Variants in CADM2 observed in about 807,000 individuals in gnomAD.
The protein encoded by CADM2 is cell adhesion molecule 2.
CADM2 carries 12 observed loss-of-function variants against 49.8 expected under a neutral mutation model. The observed-to-expected ratio is 0.24, with a 90% CI of 0.15 to 0.39. The LOEUF (loss-of-function observed/expected upper bound fraction) is 0.39, where lower values mean the gene tolerates loss of function less well. CADM2 is among the 10% of genes least tolerant of loss of function. The probability of loss-of-function intolerance (pLI) is 1.00; values close to 1 mark genes in which losing one functional copy is unlikely to be tolerated. For synonymous variants in CADM2, 214 were observed against 175.4 expected, an observed-to-expected ratio of 1.22 and a Z score of -1.74; for missense variants, 378 against 492.3, an observed-to-expected ratio of 0.77 and a Z score of 2.20.
At chr3:85,573,401 A>T (rs539268577) in intron 1 of CADM2, among the ~76,000 whole-genome samples, 31 of 152,188 alleles carry the variant, frequency 2.0e-4, no homozygotes, top group Admixed American at 6.5e-4. Context: ...CATGCTGGCC[A>T]GGCTGGTCTC....
chr3:85,189,147 T>C (rs1418320586), intron 1 of CADM2, among the ~76,000 whole-genome samples: 2 of 151,766 alleles, frequency 1.3e-5, no homozygotes, highest in African/African-American at 4.8e-5. Flanking sequence ...GAAAGTAAGC[T>C]ATTAATATTA....
chr3:85,516,653 A>C (rs1030719944), intron 1 of CADM2, among the ~76,000 whole-genome samples: 1 of 152,000 alleles, frequency 6.6e-6, no homozygotes, highest in Non-Finnish European at 1.5e-5. Flanking sequence ...AAGATACAAA[A>C]GAGATGACAT....
At chr3:85,802,301 ACTG>A in intron 3 of CADM2, 105 bp downstream of exon 3, 4 of 963,424 alleles carry the variant, frequency 4.2e-6, no homozygotes, top group African/African-American at 1.7e-5. Flanking sequence ...TGATTACCAA[ACTG>A]CTGCTGCTTG....
chr3:85,148,883 A>G (rs2107642188), intron 1 of CADM2, among the ~76,000 whole-genome samples: 1 of 152,100 alleles, frequency 6.6e-6, no homozygotes, highest in East Asian at 1.9e-4. Context: ...GGAGGAGGAG[A>G]AAGAGGAGGG....
At chr3:85,979,417 T>A in intron 8 of CADM2, 1 of 946,492 alleles carries the variant, frequency 1.1e-6, no homozygotes, top group South Asian at 2.2e-5. Context: ...TAAATTGCTA[T>A]CAATTAGGGT....
At chr3:84,974,551 C>T (rs1437409146) in intron 1 of CADM2, among the ~76,000 whole-genome samples, 1 of 151,906 alleles carries the variant, frequency 6.6e-6, no homozygotes, top group African/African-American at 2.4e-5. Context: ...CTAGGTGGTG[C>T]TGTTCTGTCA....
Position 85,733,555 on chromosome 3 carries a change from A to G in CADM2, c.88+7007A>G, listed in dbSNP as rs1577188696. On this transcript the variant is annotated intron_variant, in intron 2 of 9. Coordinates refer to ENST00000383699, the MANE Select transcript of CADM2 (RefSeq NM_001167675.2). ...ATTCCATTTGCAAGTCTAAAATAAT[A>G]TTATTTCCAATTGATTTAATGGAGG... Among the ~76,000 whole-genome samples the G allele has an allele frequency of 2.0e-5, 3 of 152,226 alleles. No homozygotes were observed. In the South Asian group the frequency reaches 6.2e-4, roughly 32 times the overall value.
At chr3:85,891,205 C>T (rs188098128) in intron 5 of CADM2, among the ~76,000 whole-genome samples, 1 of 152,312 alleles carries the variant, frequency 6.6e-6, no homozygotes, top group South Asian at 2.1e-4. Flanking sequence ...AAGTGAATAT[C>T]TGCTACTTAG....
chr3:84,992,888 G>A (rs775016697), intron 1 of CADM2, among the ~76,000 whole-genome samples: 1 of 152,106 alleles, frequency 6.6e-6, no homozygotes, highest in Non-Finnish European at 1.5e-5. Flanking sequence ...AGAGATGGAG[G>A]TAGAGACGAG....
chr3:85,160,123 A>T (rs984591700), intron 1 of CADM2, among the ~76,000 whole-genome samples: 2 of 152,138 alleles, frequency 1.3e-5, no homozygotes, highest in Non-Finnish European at 2.9e-5. Flanking sequence ...TTAAATTACC[A>T]TTTTTGAGAT....
At chr3:86,014,965 A>G in intron 8 of CADM2, 1 of 1,362,932 alleles carries the variant, frequency 7.3e-7, no homozygotes, top group South Asian at 1.2e-5. Context: ...TATTTAAGGA[A>G]CACTTTGACA....
At chr3:85,546,343 C>A (rs2061669777) in intron 1 of CADM2, among the ~76,000 whole-genome samples, 2 of 152,108 alleles carry the variant, frequency 1.3e-5, no homozygotes, top group Admixed American at 1.3e-4. Flanking sequence ...ATAGCATCAT[C>A]CAGATTTTAT....
intron 3 of CADM2, among the ~76,000 whole-genome samples, chr3:85,851,345 C>T (rs2108292557): frequency 6.6e-6 from 1 of 151,972 alleles, no homozygotes; most frequent in South Asian, 2.1e-4. Context: ...TCCTAAATTG[C>T]TCACAGTTGT....
At chr3:85,025,387 G>T (rs1474538031) in intron 1 of CADM2, among the ~76,000 whole-genome samples, 2 of 152,082 alleles carry the variant, frequency 1.3e-5, no homozygotes, top group Non-Finnish European at 2.9e-5. Context: ...TTAAGCATGG[G>T]TTAGTTGGAA....
chr3:86,064,632 C>G (rs1242997987), intron 8 of CADM2, among the ~76,000 whole-genome samples: 1 of 152,124 alleles, frequency 6.6e-6, no homozygotes. Flanking sequence ...AATTGCCACA[C>G]TGTCTTCCAC....
At chr3:85,109,638 G>A (rs2107565733) in intron 1 of CADM2, among the ~76,000 whole-genome samples, 1 of 151,974 alleles carries the variant, frequency 6.6e-6, no homozygotes, top group Non-Finnish European at 1.5e-5. Context: ...AAAGAGAAAA[G>A]GATGGTATCA....
intron 1 of CADM2, among the ~76,000 whole-genome samples, chr3:85,076,668 T>C (rs1165787207): frequency 6.6e-6 from 1 of 151,854 alleles, no homozygotes; most frequent in African/African-American, 2.4e-5. Flanking sequence ...AAAATTATTA[T>C]CTACTTCCAA....
At chr3:85,135,203 A>G (rs1025779391) in intron 1 of CADM2, among the ~76,000 whole-genome samples, 1 of 152,036 alleles carries the variant, frequency 6.6e-6, no homozygotes, top group Non-Finnish European at 1.5e-5. Context: ...TCATTTTACA[A>G]AGCAAAAAAT....
intron 1 of CADM2, among the ~76,000 whole-genome samples, chr3:85,290,431 C>T (rs1162084286): frequency 6.6e-6 from 1 of 152,204 alleles, no homozygotes; most frequent in African/African-American, 2.4e-5. Flanking sequence ...CTGGGTGGAG[C>T]CCACCACAGC....
Sources: allele counts gnomAD v4.1 joint callset (sites outside exome capture counted in the v4.1 genomes callset), GRCh38; gene constraint gnomAD v4.1.1; transcripts MANE v1.5; gene names NCBI Gene and HGNC (gene_info 2026-07-23, HGNC 2026-07-21).